The following TRPM3 variants were observed in gnomAD, a reference collection of about 807,000 sequenced individuals.
TRPM3 encodes the protein transient receptor potential cation channel subfamily M member 3.
A neutral mutation model predicts 181.2 loss-of-function variants in TRPM3; 77 were observed. The observed-to-expected ratio is 0.42, with a 90% confidence interval of 0.35 to 0.51. The LOEUF (loss-of-function observed/expected upper bound fraction) is 0.51. TRPM3 is among the 20% of genes least tolerant of loss of function. The pLI, the probability that TRPM3 is intolerant of heterozygous loss-of-function variation, is 0.01. For missense variants in TRPM3, 1,759 were observed against 2,196.7 expected (o/e 0.80, Z 3.98); for synonymous variants, 745 against 796.4 (o/e 0.94, Z 1.09).
intron 1 of TRPM3, among the ~76,000 whole-genome samples, chr9:71,390,176 T>C (rs922096181): frequency 6.6e-6 from 1 of 151,956 alleles, no homozygotes; most frequent in Non-Finnish European, 1.5e-5. Flanking sequence ...TAGATAAATA[T>C]GCACGGATAG....
Position 70,610,768 on chromosome 9 carries a change from G to A in TRPM3, c.2527-19C>T, listed in dbSNP as rs75636909. ...ACATTGCCTATGTTGGAAGAGAATCGATACCATCATGACAGGGCTCTGGAG... is the reference window on the plus strand; with the variant it reads ...ACATTGCCTATGTTGGAAGAGAATCAATACCATCATGACAGGGCTCTGGAG... On this transcript the variant is annotated intron_variant, in intron 18 of 25. Transcript: ENST00000677713. The A allele has an allele frequency of 1.8e-3, 2,842 of 1,613,666 alleles. 40 individuals carry two copies. The African/African-American group carries it at 0.032, about 18-fold the overall frequency.
intron 5 of TRPM3, among the ~76,000 whole-genome samples, chr9:70,830,153 G>A (rs1431583722): frequency 6.6e-6 from 1 of 152,108 alleles, no homozygotes; most frequent in South Asian, 2.1e-4. Flanking sequence ...AGTGAACACC[G>A]GGCATTTGTG....
intron 1 of TRPM3, among the ~76,000 whole-genome samples, chr9:71,295,470 CTT>C (rs1336254961): frequency 1.6e-4 from 23 of 140,102 alleles, no homozygotes; most frequent in Non-Finnish European, 1.3e-4. Flanking sequence ...TTTTGGCTTC[CTT>C]TTTTTTTTTT....
intron 1 of TRPM3, among the ~76,000 whole-genome samples, chr9:71,116,550 G>T (rs2072427100): frequency 6.6e-6 from 1 of 152,162 alleles, no homozygotes; most frequent in Non-Finnish European, 1.5e-5. Context: ...AAGAACATTG[G>T]TTATCATTAT....
At chr9:70,784,564 T>A (rs2083180800) in intron 6 of TRPM3, among the ~76,000 whole-genome samples, 1 of 151,338 alleles carries the variant, frequency 6.6e-6, no homozygotes, top group African/African-American at 2.4e-5. Flanking sequence ...GGGCCTGGGG[T>A]GAGGAGGGAG....
Position 70,598,628 on chromosome 9 carries a change from C to G in TRPM3, c.2839G>C (p.Val947Leu). 6.2e-7 allele frequency: 1 copy of G among 1,614,126 alleles called. No homozygotes were observed. Among genetic ancestry groups the G allele is most frequent in the Non-Finnish European group, 8.5e-7 (1 of 1,179,992 alleles). The change falls in exon 21 of 26, where the codon GTA (valine) becomes CTA (leucine). Residue 947 changes from valine to leucine, a missense_variant. Val to Leu is a conservative substitution (Grantham distance 32). Transcript: ENST00000677713. ...ACATTCCAGTACTCCTGCAGCCATA[C>G]CTTCACTTTCTGTAGCAACTTCCCT... The part of the protein sequence containing the change: ...EPGKLLQKVK[V>L]WLQEYWNVTD...
At chr9:71,166,726 G>C (rs1284884255) in intron 1 of TRPM3, among the ~76,000 whole-genome samples, 1 of 152,176 alleles carries the variant, frequency 6.6e-6, no homozygotes, top group Non-Finnish European at 1.5e-5. Context: ...AGAATAAAAG[G>C]ACTAATGGAC....
At chr9:70,597,253 G>C (rs554754822) in intron 21 of TRPM3, among the ~76,000 whole-genome samples, 56 of 152,088 alleles carry the variant, frequency 3.7e-4, no homozygotes, top group African/African-American at 1.3e-3. Flanking sequence ...ATTAGTTTTT[G>C]TATCACCAGT....
At chr9:70,585,131 G>A (rs985243857) in intron 22 of TRPM3, among the ~76,000 whole-genome samples, 1 of 152,180 alleles carries the variant, frequency 6.6e-6, no homozygotes, top group African/African-American at 2.4e-5. Flanking sequence ...CCTAGTAAAT[G>A]CTTTGTCCTG....
chr9:70,541,798 A>G (rs1043104743), intron 25 of TRPM3, among the ~76,000 whole-genome samples: 55 of 152,090 alleles, frequency 3.6e-4, no homozygotes, highest in Non-Finnish European at 6.5e-4. Flanking sequence ...GGCATGAGCC[A>G]CTGCACCTGG....
chr9:70,831,967 ATATATATATAT>A (rs1564496629), intron 5 of TRPM3, among the ~76,000 whole-genome samples: 22 of 66,222 alleles, frequency 3.3e-4, no homozygotes, highest in African/African-American at 6.7e-4. Context: ...CCATAAATAT[ATATATATATAT>A]ATATATATAT....
At chr9:70,644,688 G>A (rs1033372930) in intron 9 of TRPM3, among the ~76,000 whole-genome samples, 5 of 152,136 alleles carry the variant, frequency 3.3e-5, no homozygotes, top group Non-Finnish European at 7.3e-5. Flanking sequence ...ATTCAACATA[G>A]TACTGGAAGT....
intron 1 of TRPM3, among the ~76,000 whole-genome samples, chr9:70,904,620 C>G (rs1394516637): frequency 6.6e-6 from 1 of 152,152 alleles, no homozygotes; most frequent in Non-Finnish European, 1.5e-5. Flanking sequence ...CAGCACTATA[C>G]AGACCCCGAT....
At chr9:70,879,088 A>G (rs1316211369) in intron 1 of TRPM3, among the ~76,000 whole-genome samples, 4 of 152,088 alleles carry the variant, frequency 2.6e-5, no homozygotes, top group Non-Finnish European at 5.9e-5. Context: ...TATTATGCTC[A>G]TTTTGCAGAT....
chr9:71,423,643 C>G (rs551656459), intron 1 of TRPM3, among the ~76,000 whole-genome samples: 1 of 152,016 alleles, frequency 6.6e-6, no homozygotes, highest in Admixed American at 6.6e-5. Flanking sequence ...GTGCATTATG[C>G]CTTTTTGGAA....
At chr9:70,649,863 A>C (rs2133767185) in intron 9 of TRPM3, among the ~76,000 whole-genome samples, 1 of 152,310 alleles carries the variant, frequency 6.6e-6, no homozygotes, top group Middle Eastern at 3.4e-3. Context: ...ATGCACATGA[A>C]TTTTTATCAC....
intron 1 of TRPM3, among the ~76,000 whole-genome samples, chr9:70,920,748 T>C (rs964818243): frequency 6.6e-6 from 1 of 152,194 alleles, no homozygotes; most frequent in Non-Finnish European, 1.5e-5. Flanking sequence ...AAGAAGATAG[T>C]ACTTTAAATG....
chr9:71,010,184 G>T (rs1216665471), intron 1 of TRPM3, among the ~76,000 whole-genome samples: 1 of 152,012 alleles, frequency 6.6e-6, no homozygotes, highest in East Asian at 1.9e-4. Flanking sequence ...AGGATTTTTG[G>T]AGTAAGACCT....
At chr9:71,444,177 C>CA (rs34011806) in intron 1 of TRPM3, among the ~76,000 whole-genome samples, 78,598 of 112,728 alleles carry the variant, frequency 0.7, 27,444 homozygotes, top group Non-Finnish European at 0.77. Context: ...GAATACATCT[C>CA]AAAAAAAAAA....
Sources: allele counts gnomAD v4.1 joint callset (sites outside exome capture counted in the v4.1 genomes callset), GRCh38; gene constraint gnomAD v4.1.1; transcripts MANE v1.5; gene names NCBI Gene and HGNC (gene_info 2026-07-23, HGNC 2026-07-21).